Variants in ADORA2B observed in about 807,000 individuals in gnomAD.
ADORA2B encodes the protein adenosine A2b receptor, also known as adenosine receptor A2b.
In ADORA2B, 18 loss-of-function variants were observed where a neutral mutation model predicts 20.8. The observed-to-expected ratio is 0.87, with a 90% CI of 0.60 to 1.29. The LOEUF (loss-of-function observed/expected upper bound fraction) is 1.29, where lower values mean the gene tolerates loss of function less well. Ranked by LOEUF, ADORA2B falls within the 50% of genes most tolerant of loss-of-function variation. The pLI is 0.00. For missense variants in ADORA2B, 441 were observed against 422.7 expected (o/e 1.04, Z -0.38); for synonymous variants, 179 against 178.3 (o/e 1.00, Z -0.03).
rs1489457332 is a variant in ADORA2B, at chr17:15,945,196, C to G, written c.-53C>G. ...GCCCGGCGGGTCTCACGCGGCTGCC[C>G]CTCGCCCGGCGCGCCTTCGGTAGGG... On this transcript the variant is annotated 5_prime_UTR_variant, in exon 1 of 2. Transcript: ENST00000304222. The G allele has an allele frequency of 1.5e-6, 2 of 1,369,904 alleles. No individual in the cohort carries two copies. The highest frequency in any genetic ancestry group is 1.9e-6 in the Non-Finnish European group (2 of 1,067,226). The allele number at this position is 1,369,904 out of a possible 1,614,324, so 84.9% of individuals were successfully genotyped here.
chr17:15,902,217 CTTT>C, the ADORA2B span, among the ~76,000 whole-genome samples: 1 of 147,208 alleles, frequency 6.8e-6, no homozygotes. Flanking sequence ...GATTCCCTTC[CTTT>C]TTTTTTTTTT....
intron 1 of ADORA2B, among the ~76,000 whole-genome samples, chr17:15,955,859 C>T (rs1488126651): frequency 2.0e-5 from 3 of 151,856 alleles, no homozygotes; most frequent in African/African-American, 7.3e-5. Flanking sequence ...GCTAGGATTA[C>T]AGGCGTGCAC....
chr17:15,889,507 C>T, the ADORA2B span, among the ~76,000 whole-genome samples: 1 of 130,368 alleles, frequency 7.7e-6, no homozygotes, highest in Admixed American at 7.5e-5. Context: ...CATCAAAAAT[C>T]AGAACATCAG....
chr17:15,940,266 G>A (rs1407048910), upstream of ADORA2B, among the ~76,000 whole-genome samples: 1 of 152,236 alleles, frequency 6.6e-6, no homozygotes, highest in East Asian at 1.9e-4. Context: ...CTGGGGTGCA[G>A]AGCTGCCTCT....
chr17:15,855,224 C>G, the ADORA2B span, among the ~76,000 whole-genome samples: 47 of 152,200 alleles, frequency 3.1e-4, no homozygotes, highest in Non-Finnish European at 5.7e-4. Flanking sequence ...AGCCACCACA[C>G]CCGACCAGAT....
At chr17:15,967,318 C>T (rs1024322889) in intron 1 of ADORA2B, among the ~76,000 whole-genome samples, 7 of 151,374 alleles carry the variant, frequency 4.6e-5, no homozygotes, top group South Asian at 2.1e-4. Flanking sequence ...CTGCAACCCC[C>T]GCCTCCTGGG....
chr17:15,933,766 A>ATG, the ADORA2B span, among the ~76,000 whole-genome samples: 14 of 147,650 alleles, frequency 9.5e-5, no homozygotes, highest in African/African-American at 2.8e-4. Flanking sequence ...ATATACATAT[A>ATG]TGTGTGTGTA....
chr17:15,851,114 A>G, the ADORA2B span, among the ~76,000 whole-genome samples: 1 of 152,028 alleles, frequency 6.6e-6, no homozygotes, highest in African/African-American at 2.4e-5. Context: ...GGGGTAAACA[A>G]TAAAGTGAAG....
the ADORA2B span, among the ~76,000 whole-genome samples, chr17:15,912,857 G>A: frequency 1.3e-5 from 2 of 152,228 alleles, no homozygotes; most frequent in Non-Finnish European, 1.5e-5. Context: ...CAAGAATGAA[G>A]CATCATCTGT....
chr17:15,866,887 G>T, the ADORA2B span, among the ~76,000 whole-genome samples: 2 of 142,848 alleles, frequency 1.4e-5, no homozygotes, highest in Non-Finnish European at 3.1e-5. Flanking sequence ...CCTCCCTGCC[G>T]GATTCTCCTG....
chr17:15,867,562 C>T, the ADORA2B span, among the ~76,000 whole-genome samples: 6 of 149,258 alleles, frequency 4.0e-5, no homozygotes, highest in African/African-American at 7.5e-5. Context: ...CCACCCCGTC[C>T]GGGAGGGAGG....
chr17:15,894,527 C>G, the ADORA2B span, among the ~76,000 whole-genome samples: 13 of 152,202 alleles, frequency 8.5e-5, no homozygotes, highest in Non-Finnish European at 1.5e-4. Context: ...CTGTGCTGAT[C>G]CAGGGAGTCC....
chr17:15,898,357 G>A, the ADORA2B span, among the ~76,000 whole-genome samples: 9 of 151,872 alleles, frequency 5.9e-5, no homozygotes, highest in South Asian at 1.5e-3. Flanking sequence ...GCAATGGCGC[G>A]ATCTCGGCTC....
chr17:15,919,234 G>T, the ADORA2B span, among the ~76,000 whole-genome samples: 1 of 152,072 alleles, frequency 6.6e-6, no homozygotes, highest in African/African-American at 2.4e-5. Context: ...GCCTATTCCA[G>T]GCCCTGGTAG....
rs1039929279 is a variant in ADORA2B, at chr17:15,975,066, G to T, written c.723G>T (p.Gly241=). ...HAAKSLAMIV[G]IFALCWLPVH... ...CCAAGTCACTGGCCATGATTGTGGG[G>T]ATTTTTGCCCTGTGCTGGTTACCTG... is the stretch of plus-strand genomic sequence containing the variant. Residue 241 remains glycine (G), a synonymous_variant, in exon 2 of 2, where the codon GGG becomes GGT. Coordinates refer to ENST00000304222, the MANE Select transcript of ADORA2B (RefSeq NM_000676.4). The T allele has an allele frequency of 6.2e-7, 1 of 1,614,138 alleles. No homozygotes were observed. Among genetic ancestry groups the T allele is most frequent in the African/African-American group, 1.3e-5 (1 of 75,010 alleles).
chr17:15,967,808 G>A (rs1302390278), intron 1 of ADORA2B, among the ~76,000 whole-genome samples: 1 of 152,278 alleles, frequency 6.6e-6, no homozygotes. Context: ...GTAGCTCTCC[G>A]TACCTTTTCG....
chr17:15,945,597 C>G lies in ADORA2B; in HGVS notation c.335+14C>G. On this transcript the variant is annotated intron_variant, in intron 1 of 1. Coordinates refer to ENST00000304222, the MANE Select transcript of ADORA2B (RefSeq NM_000676.4). ...TGTCCCGCTCAGGTGAGGCGCTCGG[C>G]GTCGCCCGAACTCGGGGCCCCGTCG... 6.9e-7 allele frequency: 1 copy of G among 1,458,580 alleles called. No individual in the cohort carries two copies. The highest frequency in any genetic ancestry group is 1.4e-5 in the African/African-American group (1 of 69,856). 90.4% of individuals were successfully genotyped at this position (1,458,580 alleles called of 1,614,324 possible).
At chr17:15,895,729 G>T in the ADORA2B span, among the ~76,000 whole-genome samples, 4 of 152,148 alleles carry the variant, frequency 2.6e-5, no homozygotes, top group African/African-American at 9.7e-5. Context: ...GTGTTGGAGA[G>T]GGCGGGCACA....
the ADORA2B span, among the ~76,000 whole-genome samples, chr17:15,852,015 T>C: frequency 6.6e-6 from 1 of 152,256 alleles, no homozygotes; most frequent in Non-Finnish European, 1.5e-5. Flanking sequence ...TTCGTATGTT[T>C]ACAGACGGTT....
Sources: gnomAD v4.1 joint callset for allele counts (sites outside exome capture counted in the v4.1 genomes callset) on GRCh38, gnomAD v4.1.1 for gene constraint, MANE v1.5 for transcripts, NCBI Gene and HGNC (gene_info 2026-07-23, HGNC 2026-07-21) for gene names.